RBFOX1: variants seen among roughly 807,000 people sequenced by gnomAD.
The protein encoded by RBFOX1 is RNA binding fox-1 homolog 1.
RBFOX1 carries 8 observed loss-of-function variants against 57.7 expected under a neutral mutation model. The ratio of observed to expected loss-of-function variants is 0.14; its 90% CI spans 0.08 to 0.25. The LOEUF (loss-of-function observed/expected upper bound fraction) is 0.25, where lower values mean the gene tolerates loss of function less well. Among genes scored for constraint, RBFOX1 ranks in the 10% least tolerant of loss-of-function variants. The pLI is 1.00. For missense variants in RBFOX1, 611 were observed against 548.5 expected (o/e 1.11, Z -1.14); for synonymous variants, 326 against 222.4 (o/e 1.47, Z -4.15).
At chr16:5,825,378 T>A (rs28452813) in intron 3 of RBFOX1, among the ~76,000 whole-genome samples, 2,276 of 152,288 alleles carry the variant, frequency 0.015, 57 homozygotes, top group African/African-American at 0.051. Flanking sequence ...TTCATGCTCA[T>A]TTCCTGTATA....
chr16:6,206,714 C>T (rs532279514), intron 1 of RBFOX1, among the ~76,000 whole-genome samples: 1 of 152,274 alleles, frequency 6.6e-6, no homozygotes, highest in Non-Finnish European at 1.5e-5. Flanking sequence ...ACCCAGCTTC[C>T]CCTGTTGTAA....
At chr16:7,266,585 C>T (rs560312044) in intron 4 of RBFOX1, among the ~76,000 whole-genome samples, 6 of 152,200 alleles carry the variant, frequency 3.9e-5, no homozygotes, top group Non-Finnish European at 5.9e-5. Flanking sequence ...AAAGCTCTAT[C>T]TCTGAATACC....
At chr16:6,677,861 T>C (rs1247694035) in intron 3 of RBFOX1, among the ~76,000 whole-genome samples, 2 of 152,208 alleles carry the variant, frequency 1.3e-5, no homozygotes, top group African/African-American at 4.8e-5. Context: ...TTAAAAGGCC[T>C]ATTAATATAG....
At chr16:6,594,915 A>G (rs1362153137) in intron 2 of RBFOX1, among the ~76,000 whole-genome samples, 1 of 152,040 alleles carries the variant, frequency 6.6e-6, no homozygotes, top group Non-Finnish European at 1.5e-5. Flanking sequence ...CAGCGTCTGG[A>G]GTAGCTGGGA....
At chr16:6,999,784 G>A (rs900921307) in intron 3 of RBFOX1, among the ~76,000 whole-genome samples, 1 of 151,864 alleles carries the variant, frequency 6.6e-6, no homozygotes, top group Non-Finnish European at 1.5e-5. Context: ...TTTAAAATTA[G>A]CAATAGGCCA....
At chr16:6,048,442 A>T (rs1286500836) in intron 1 of RBFOX1, among the ~76,000 whole-genome samples, 1 of 152,132 alleles carries the variant, frequency 6.6e-6, no homozygotes, top group Non-Finnish European at 1.5e-5. Context: ...TGCCCCTGAA[A>T]CTTCATTATT....
chr16:7,066,627 G>A (rs1226509076), intron 4 of RBFOX1, among the ~76,000 whole-genome samples: 1 of 152,176 alleles, frequency 6.6e-6, no homozygotes, highest in African/African-American at 2.4e-5. Flanking sequence ...TTTGTTAAAA[G>A]TGTAGACAAT....
intron 11 of RBFOX1, among the ~76,000 whole-genome samples, chr16:7,636,367 G>C (rs979842092): frequency 5.9e-5 from 9 of 152,124 alleles, no homozygotes; most frequent in African/African-American, 2.2e-4. Flanking sequence ...TTTTCATTTA[G>C]ACTTTACCTC....
intron 3 of RBFOX1, among the ~76,000 whole-genome samples, chr16:6,799,761 T>G (rs753877572): frequency 7.2e-5 from 11 of 152,116 alleles, no homozygotes; most frequent in Non-Finnish European, 1.6e-4. Flanking sequence ...CTCCAGGTTC[T>G]TTAGCCTTTG....
At chr16:7,641,609 C>A (rs1051074360) in intron 11 of RBFOX1, among the ~76,000 whole-genome samples, 4 of 152,154 alleles carry the variant, frequency 2.6e-5, no homozygotes, top group South Asian at 2.1e-4. Context: ...TTATCCCTAC[C>A]CTTACTATTT....
rs147715005 is a variant in RBFOX1, at chr16:6,838,441, G to C, written c.-16+183791G>C. Reference sequence around the variant, plus strand: ...TCCAGTCTATTATTGATGGGCATTTGGGTTGACTAGCCCTTTTCTAGAAAT... The same window carrying C: ...TCCAGTCTATTATTGATGGGCATTTCGGTTGACTAGCCCTTTTCTAGAAAT... On this transcript the variant is annotated intron_variant, in intron 3 of 15. Transcript: ENST00000550418. Among the ~76,000 whole-genome samples the C allele has an allele frequency of 2.8e-3, 426 of 152,144 alleles. 5 individuals are homozygous for C. The highest frequency in any genetic ancestry group is 9.7e-3 in the African/African-American group (404 of 41,500).
At chr16:6,504,837 C>T (rs1037261104) in intron 2 of RBFOX1, among the ~76,000 whole-genome samples, 4 of 152,036 alleles carry the variant, frequency 2.6e-5, no homozygotes, top group South Asian at 2.1e-4. Context: ...GGGTGAATCA[C>T]GAGGTCAGGA....
intron 4 of RBFOX1, among the ~76,000 whole-genome samples, chr16:7,217,608 A>G (rs539957113): frequency 6.6e-6 from 1 of 152,224 alleles, no homozygotes; most frequent in South Asian, 2.1e-4. Flanking sequence ...TGGTTCTGAG[A>G]ATATAATCAA....
At chr16:6,105,453 A>T (rs1429472566) in intron 1 of RBFOX1, among the ~76,000 whole-genome samples, 2 of 152,188 alleles carry the variant, frequency 1.3e-5, no homozygotes, top group Non-Finnish European at 2.9e-5. Context: ...GGAATTGAAG[A>T]TAATGCCATC....
chr16:6,827,721 C>G (rs7185900), intron 3 of RBFOX1, among the ~76,000 whole-genome samples: 8 of 151,878 alleles, frequency 5.3e-5, no homozygotes, highest in African/African-American at 1.9e-4. Flanking sequence ...GTTGTTTGCC[C>G]ATGCTGATCC....
At chr16:7,464,351 T>A (rs966518157) in intron 4 of RBFOX1, among the ~76,000 whole-genome samples, 1 of 152,106 alleles carries the variant, frequency 6.6e-6, no homozygotes, top group African/African-American at 2.4e-5. Flanking sequence ...ACGCTGACTC[T>A]TTTCCAAAGG....
chr16:6,309,881 C>T (rs1249373132), intron 1 of RBFOX1, among the ~76,000 whole-genome samples: 3 of 152,162 alleles, frequency 2.0e-5, no homozygotes, highest in Middle Eastern at 3.2e-3. Flanking sequence ...AATGCAATGA[C>T]GCTTATTGAC....
In RBFOX1 at chr16:6,173,790, A is replaced by G. The variant is rs561927081; in HGVS notation, c.-126-143205A>G. ...ATGCCCAGCTAATTTTTATATTTTC[A>G]GTAGAGATGGGTTTTTGCCATGTTG... On this transcript the variant is annotated intron_variant, in intron 1 of 15. Coordinates refer to ENST00000550418, the MANE Select transcript of RBFOX1 (RefSeq NM_018723.4). Among the ~76,000 whole-genome samples, 37 of 151,830 alleles carry G rather than the reference A, an allele frequency of 2.4e-4. No individual in the cohort carries two copies. In the East Asian group the frequency reaches 6.6e-3, roughly 27 times the overall value.
chr16:7,100,155 T>G (rs1294500517), intron 4 of RBFOX1, among the ~76,000 whole-genome samples: 1 of 151,604 alleles, frequency 6.6e-6, no homozygotes, highest in Non-Finnish European at 1.5e-5. Context: ...TAGAGAGGGA[T>G]GCAGAGAAAA....
Sources: gnomAD v4.1 joint callset for allele counts (sites outside exome capture counted in the v4.1 genomes callset) on GRCh38, gnomAD v4.1.1 for gene constraint, MANE v1.5 for transcripts, NCBI Gene and HGNC (gene_info 2026-07-23, HGNC 2026-07-21) for gene names.